KDM4B: variants seen among roughly 807,000 people sequenced by gnomAD.
KDM4B encodes the protein lysine demethylase 4B.
A neutral mutation model predicts 125.2 loss-of-function variants in KDM4B; 32 were observed. The observed-to-expected ratio is 0.26, with a 90% CI of 0.19 to 0.34. KDM4B has a LOEUF of 0.34. KDM4B is among the 10% of genes least tolerant of loss of function. The pLI is 1.00. For synonymous variants in KDM4B, 721 were observed against 677.9 expected (o/e 1.06, Z -0.99); for missense variants, 1,190 against 1,577.7 (o/e 0.75, Z 4.16).
chr19:5,026,236 C>T (rs1050578262), intron 2 of KDM4B, among the ~76,000 whole-genome samples: 3 of 150,298 alleles, frequency 2.0e-5, no homozygotes, highest in African/African-American at 7.4e-5. Flanking sequence ...TGCGGTCCCC[C>T]AGCCAGGAGC....
chr19:4,969,952 C>A lies in KDM4B; in HGVS notation c.-109+722C>A, dbSNP rs181791487. Among the ~76,000 whole-genome samples the A allele has an allele frequency of 5.3e-5, 8 of 152,338 alleles. No individual in the cohort carries two copies. In the East Asian group the frequency reaches 1.4e-3, roughly 26 times the overall value. On this transcript the variant is annotated intron_variant, in intron 1 of 22. Coordinates refer to ENST00000159111, the MANE Select transcript of KDM4B (RefSeq NM_015015.3). ...CTCCACGAGTCTCTCCGTCCCTCCC[C>A]CTTCCAGCCTGATCGCCATCTCGAA...
At position 5,131,535 on chromosome 19, in the gene KDM4B, G is replaced by C. The variant is rs1334947531; in HGVS notation, c.1775G>C (p.Gly592Ala). The C allele has an allele frequency of 1.3e-6, 2 of 1,548,372 alleles. No individual in the cohort carries two copies. Among genetic ancestry groups the C allele is most frequent in the South Asian group, 2.3e-5 (2 of 86,972 alleles). ...AGRMETKARA[G>A]EGQAPSTFSK... ...CGCATGGAGACCAAAGCCCGGGCCG[G>C]AGAGGGGCAGGTGGGGTGGAGCGGG... The change falls in exon 12 of 23, where the codon GGA becomes GCA. Residue 592 changes from glycine to alanine, a missense_variant. Physicochemically the swap from Gly to Ala is moderately conservative, Grantham distance 60 (BLOSUM62 0). This residue lies in a region of KDM4B where 428 missense variants were observed against 405.1 expected (regional missense o/e 1.06). Transcript: ENST00000159111.
chr19:4,998,568 C>T (rs1047177974), intron 1 of KDM4B, among the ~76,000 whole-genome samples: 14 of 152,140 alleles, frequency 9.2e-5, no homozygotes, highest in Admixed American at 2.0e-4. Flanking sequence ...GTATTTCCCC[C>T]AGACAAGGAA....
chr19:5,107,108 G>C (rs1005051226), intron 9 of KDM4B, among the ~76,000 whole-genome samples: 5 of 152,232 alleles, frequency 3.3e-5, no homozygotes, highest in Non-Finnish European at 7.3e-5. Context: ...TCAGCACTGA[G>C]GGGGCACCGC....
At chr19:5,034,673 A>G (rs2036562819) in intron 3 of KDM4B, among the ~76,000 whole-genome samples, 2 of 151,142 alleles carry the variant, frequency 1.3e-5, no homozygotes, top group Admixed American at 1.3e-4. Context: ...CCCTCCCTCC[A>G]CTCCCTGGTT....
At chr19:5,009,670 A>G (rs2145481475) in intron 1 of KDM4B, among the ~76,000 whole-genome samples, 1 of 152,286 alleles carries the variant, frequency 6.6e-6, no homozygotes, top group South Asian at 2.1e-4. Flanking sequence ...TGAGCATCTT[A>G]TGTAACCACA....
At chr19:4,984,658 T>C (rs2034767045) in intron 1 of KDM4B, among the ~76,000 whole-genome samples, 1 of 152,198 alleles carries the variant, frequency 6.6e-6, no homozygotes, top group Non-Finnish European at 1.5e-5. Flanking sequence ...GCCCCTCTGC[T>C]GCATGATGCC....
intron 1 of KDM4B, among the ~76,000 whole-genome samples, chr19:4,980,395 G>A (rs114393055): frequency 0.018 from 2,611 of 149,198 alleles, 77 homozygotes; most frequent in African/African-American, 0.06. Context: ...CGCATGGCAT[G>A]TGTCAGAGCC....
At chr19:5,021,913 C>T (rs1015106598) in intron 2 of KDM4B, among the ~76,000 whole-genome samples, 14 of 152,118 alleles carry the variant, frequency 9.2e-5, no homozygotes, top group Admixed American at 7.2e-4. Context: ...GGATTACAGG[C>T]GTGAGCCACC....
chr19:5,084,537 T>C (rs1158340090), intron 9 of KDM4B, among the ~76,000 whole-genome samples: 2 of 137,962 alleles, frequency 1.4e-5, no homozygotes, highest in Non-Finnish European at 3.1e-5. Context: ...ATGTTATTTA[T>C]ATATTATATA....
intron 2 of KDM4B, among the ~76,000 whole-genome samples, chr19:5,019,998 G>T (rs532366232): frequency 1.7e-3 from 242 of 146,326 alleles, no homozygotes; most frequent in African/African-American, 6.1e-3. Context: ...TGGTGTGCAG[G>T]TGCTGCTGTG....
rs1235531996 is a variant in KDM4B at position 5,035,082 on chromosome 19, T to A, written c.141+2051T>A. 1.3e-5 allele frequency among the ~76,000 whole-genome samples: 2 copies of A among 152,120 alleles called. No individual in the cohort carries two copies. Among genetic ancestry groups the A allele is most frequent in the East Asian group, 3.9e-4 (2 of 5,176 alleles). On this transcript the variant is annotated intron_variant, in intron 3 of 22. Coordinates refer to ENST00000159111, the MANE Select transcript of KDM4B (RefSeq NM_015015.3). This position sits in a 1 kb window ranked among gnomAD's most constrained non-coding sequence, Gnocchi z 5.3. ...GGGGCTGCTGCCGTCCCGGCTTCAG[T>A]TCTGTCTTTAAAAGGCTTTGGTCCT...
chr19:5,012,994 G>A (rs2035777431), intron 1 of KDM4B, among the ~76,000 whole-genome samples: 2 of 152,254 alleles, frequency 1.3e-5, no homozygotes, highest in Admixed American at 6.5e-5. Flanking sequence ...TTGCGGATGG[G>A]GACCAGGGTG....
At chr19:5,116,666 A>G (rs542246920) in intron 10 of KDM4B, among the ~76,000 whole-genome samples, 1 of 152,312 alleles carries the variant, frequency 6.6e-6, no homozygotes, top group South Asian at 2.1e-4. Flanking sequence ...GAGCAATGGC[A>G]GGGAGCTCAG....
intron 1 of KDM4B, among the ~76,000 whole-genome samples, chr19:5,014,791 C>T (rs35275575): frequency 6.6e-5 from 10 of 151,770 alleles, no homozygotes; most frequent in South Asian, 2.1e-4. Context: ...GTTAGGAGTT[C>T]GAGACCAGCT....
intron 6 of KDM4B, among the ~76,000 whole-genome samples, chr19:5,064,213 C>G (rs936827682): frequency 2.0e-5 from 3 of 152,180 alleles, no homozygotes; most frequent in African/African-American, 7.2e-5. Flanking sequence ...GTGGGTGGCT[C>G]ACTCTGCCAG....
chr19:4,982,344 C>T (rs1483227440), intron 1 of KDM4B, among the ~76,000 whole-genome samples: 1 of 146,138 alleles, frequency 6.8e-6, no homozygotes, highest in Non-Finnish European at 1.5e-5. Flanking sequence ...CCCAGCTACT[C>T]AGGAGGCTGA....
chr19:4,979,223 C>T (rs938356340), intron 1 of KDM4B, among the ~76,000 whole-genome samples: 1 of 152,102 alleles, frequency 6.6e-6, no homozygotes, highest in Non-Finnish European at 1.5e-5. Context: ...TTTGAGCCTA[C>T]AGTGAGCCAT....
rs762864738 is a variant in KDM4B, at chr19:5,138,087, G to C, written c.2550+17G>C. The C allele has an allele frequency of 2.5e-6, 4 of 1,594,934 alleles. No individual in the cohort carries two copies. The highest frequency in any genetic ancestry group is 3.4e-6 in the Non-Finnish European group (4 of 1,167,040). On this transcript the variant is annotated intron_variant, in intron 18 of 22. Transcript: ENST00000159111. ...TGGAAGCTGGTAGGTCCTTGCGGTC[G>C]AGGCCCACCCTGCCCGTGCCTCTAG...
Sources: gnomAD v4.1 joint callset for allele counts (sites outside exome capture counted in the v4.1 genomes callset) on GRCh38, gnomAD v4.1.1 for gene constraint, gnomAD v4.1.1 regional missense constraint, Gnocchi (gnomAD v3.1) non-coding constraint, MANE v1.5 for transcripts, NCBI Gene and HGNC (gene_info 2026-07-23, HGNC 2026-07-21) for gene names.